Variants in EWSR1 observed in about 807,000 individuals in gnomAD.
EWSR1 encodes RNA-binding protein EWS.
Under a neutral mutation model 92.1 loss-of-function variants are expected in EWSR1, and 14 were observed. The observed-to-expected ratio is 0.15, with a 90% CI of 0.10 to 0.24. The LOEUF (loss-of-function observed/expected upper bound fraction) is 0.24, where lower values mean the gene tolerates loss of function less well. Ranked by LOEUF, EWSR1 falls within the 10% of genes least tolerant of loss-of-function variation. EWSR1 has a pLI of 1.00. For missense variants in EWSR1, 637 were observed against 870.9 expected (o/e 0.73, Z 3.38); for synonymous variants, 303 against 292.9 (o/e 1.03, Z -0.35).
At chr22:29,288,867 TAAG>T (rs1204946789) in intron 8 of EWSR1, 81 bp downstream of exon 8, 3 of 1,298,168 alleles carry the variant, frequency 2.3e-6, no homozygotes, top group Non-Finnish European at 2.1e-6. Context: ...CTGAAAGACA[TAAG>T]AAATTAATTT....
At chr22:29,278,492 G>C (rs961028333) in intron 5 of EWSR1, among the ~76,000 whole-genome samples, 7 of 29,654 alleles carry the variant, frequency 2.4e-4, no homozygotes, top group African/African-American at 1.0e-3. Flanking sequence ...TTTGAAACCA[G>C]CCTGGCCAAC....
intron 5 of EWSR1, among the ~76,000 whole-genome samples, chr22:29,279,839 TATGAAGTCC>T (rs1448161690): frequency 2.6e-5 from 4 of 152,222 alleles, no homozygotes; most frequent in Non-Finnish European, 5.9e-5. Context: ...TCATCAGATG[TATGAAGTCC>T]CATTTGATAC....
At chr22:29,274,124 CTATG>C in intron 4 of EWSR1, 1 of 950,622 alleles carries the variant, frequency 1.1e-6, no homozygotes, top group Non-Finnish European at 1.7e-6. Context: ...GAAATGGAGA[CTATG>C]TAAAAGATTT....
intron 13 of EWSR1, among the ~76,000 whole-genome samples, 200 bp from the exon 14 acceptor site, chr22:29,298,533 A>T (rs1385310183): frequency 1.4e-5 from 2 of 147,834 alleles, no homozygotes. Flanking sequence ...AAATTGTGGG[A>T]GCTCTGTTTC....
intron 16 of EWSR1, 75 bp downstream of exon 16, chr22:29,299,926 A>T (rs2061210660): frequency 6.5e-7 from 1 of 1,539,060 alleles, no homozygotes; most frequent in Admixed American, 2.1e-5. Flanking sequence ...TGGTTGGCGC[A>T]AGTCCTCATG....
At position 29,287,031 on chromosome 22, in the gene EWSR1, C is replaced by T. The variant is rs766826666; in HGVS notation, c.690C>T (p.Ser230=). 4 of 1,613,914 alleles carry T rather than the reference C, an allele frequency of 2.5e-6. No homozygotes were observed. The South Asian group carries it at 3.3e-5, about 13-fold the overall frequency. Residue 230 remains serine, a synonymous_variant, in exon 7 of 17, where the codon AGC becomes AGT. Transcript: ENST00000397938. ...AGCAGAGTAGCTATGGTCAACAAAG[C>T]AGCTATGGGCAGCAGCCTCCCACTA... ...YGQQSSYGQQ[S]SYGQQPPTSY...
intron 1 of EWSR1, among the ~76,000 whole-genome samples, chr22:29,268,617 G>A (rs918956400): frequency 6.6e-6 from 1 of 152,260 alleles, no homozygotes; most frequent in Non-Finnish European, 1.5e-5. Context: ...CCATTGTGTG[G>A]CGGTCCTCGC....
In EWSR1 at chr22:29,286,681, T is replaced by C. The variant is rs560013064; in HGVS notation, c.582-242T>C. Among the ~76,000 whole-genome samples the C allele has an allele frequency of 3.3e-4, 26 of 77,990 alleles. No individual in the cohort carries two copies. The East Asian group carries it at 9.1e-3, about 27-fold the overall frequency. 51.2% of individuals were successfully genotyped at this position (77,990 alleles called of 152,430 possible). A position where few individuals can be genotyped will look rare whatever the true frequency, so the allele number is the denominator to read the frequency against. ...CAGCCTAGGCAACAGAGCAACACTC[T>C]GTCTCAAAAAAAAAAAAAAAAAAAA... On this transcript the variant is annotated intron_variant, in intron 6 of 16. Coordinates refer to ENST00000397938, the MANE Select transcript of EWSR1 (RefSeq NM_005243.4).
At chr22:29,297,757 TTGA>T in intron 12 of EWSR1, 67 bp from the exon 13 acceptor site, 3 of 1,587,768 alleles carry the variant, frequency 1.9e-6, no homozygotes, top group South Asian at 1.1e-5. Flanking sequence ...GAGTGGTCAT[TTGA>T]TGATGATGTG....
chr22:29,280,052 C>G (rs1184884424), intron 5 of EWSR1, among the ~76,000 whole-genome samples: 1 of 152,096 alleles, frequency 6.6e-6, no homozygotes, highest in Non-Finnish European at 1.5e-5. Flanking sequence ...GTTAGTACTT[C>G]ACACCCTCTC....
At chr22:29,295,356 CAT>C (rs1002837057) in intron 11 of EWSR1, among the ~76,000 whole-genome samples, 5 of 152,108 alleles carry the variant, frequency 3.3e-5, no homozygotes, top group African/African-American at 9.7e-5. Flanking sequence ...CAGTGGCTCA[CAT>C]GTGTAATCCC....
Position 29,286,937 on chromosome 22 carries a change from A to C in EWSR1, c.596A>C (p.Gln199Pro). 2 of 1,612,786 alleles carry C rather than the reference A, an allele frequency of 1.2e-6. No individual in the cohort carries two copies. The highest frequency in any genetic ancestry group is 1.7e-6 in the Non-Finnish European group (2 of 1,179,630). Residue 199 changes from glutamine (Q) to proline (P), a missense_variant, in exon 7 of 17, where the codon CAG becomes CCG. This residue lies in a region of EWSR1 where 116 missense variants were observed against 167.8 expected (regional missense o/e 0.69). Coordinates refer to ENST00000397938, the MANE Select transcript of EWSR1 (RefSeq NM_005243.4). Reference protein sequence around the residue: ...SYPPTSYSSTQPTSYDQSSYS... With the variant: ...SYPPTSYSSTPPTSYDQSSYS... ...CTCTCTTTCAGCTATTCCTCTACAC[A>C]GCCGACTAGTTATGATCAGAGCAGT... is the stretch of plus-strand genomic sequence containing the variant.
chr22:29,296,274 C>G lies in EWSR1; in HGVS notation c.1200C>G (p.Ile400Met). ...NKRTGQPMIH[I>M]YLDKETGKPK... Reference sequence around the variant, plus strand: ...GAACTGGGCAACCCATGATCCACATCTACCTGGACAAGGAAACAGGAAAGC... The same window carrying G: ...GAACTGGGCAACCCATGATCCACATGTACCTGGACAAGGAAACAGGAAAGC... The change falls in exon 12 of 17, where the codon ATC becomes ATG. Residue 400 changes from isoleucine (I) to methionine (M), a missense_variant. Ile to Met is a conservative substitution (Grantham distance 10, BLOSUM62 1). Coordinates refer to ENST00000397938, the MANE Select transcript of EWSR1 (RefSeq NM_005243.4). The G allele has an allele frequency of 6.2e-7, 1 of 1,614,182 alleles. No individual in the cohort carries two copies. Among genetic ancestry groups the G allele is most frequent in the South Asian group, 1.1e-5 (1 of 91,082 alleles).
At chr22:29,282,281 C>G in intron 5 of EWSR1, 109 bp from the exon 6 acceptor site, 1 of 804,806 alleles carries the variant, frequency 1.2e-6, no homozygotes, top group Non-Finnish European at 1.9e-6. Context: ...TTAATCATAA[C>G]ATTGCTTATT....
At position 29,273,994 on chromosome 22, in the gene EWSR1, A is replaced by G. The variant is rs1202922193; in HGVS notation, c.226+130A>G. On this transcript the variant is annotated intron_variant, in intron 4 of 16. Coordinates refer to ENST00000397938, the MANE Select transcript of EWSR1 (RefSeq NM_005243.4). ...ATCTGGGGAATCCTTTATTCTTAGG[A>G]AGAGGTATTTTTTCTCTTTCTTCCC... The G allele has an allele frequency of 5.7e-6, 7 of 1,233,662 alleles. No homozygotes were observed. The South Asian group carries it at 9.1e-5, about 16-fold the overall frequency. 76.4% of individuals were successfully genotyped at this position (1,233,662 alleles called of 1,614,324 possible).
rs370033991 is a variant in EWSR1 at position 29,278,107 on chromosome 22, A to G, written c.304A>G (p.Thr102Ala). Residue 102 changes from threonine (T) to alanine (A), a missense_variant, in exon 5 of 17, where the codon ACT becomes GCT. Thr to Ala is a moderately conservative substitution (Grantham distance 58). Around this residue, in one of 5 missense-constraint regions of EWSR1, gnomAD observed 144 missense variants for 189.0 expected, o/e 0.76. Coordinates refer to ENST00000397938, the MANE Select transcript of EWSR1 (RefSeq NM_005243.4). ...TGGCACTGGTGCTTATGATACCACC[A>G]CTGCTACAGTCACCACCACCCAGGC... The part of the protein sequence containing the change: ...GYGTGAYDTT[T>A]ATVTTTQASY... 231 of 1,614,004 alleles carry G rather than the reference A, an allele frequency of 1.4e-4. No homozygotes were observed. The highest frequency in any genetic ancestry group is 1.8e-4 in the Non-Finnish European group (210 of 1,180,012).
chr22:29,270,514 G>A (rs2058586864), intron 1 of EWSR1, among the ~76,000 whole-genome samples: 2 of 152,204 alleles, frequency 1.3e-5, no homozygotes, highest in Admixed American at 6.5e-5. Context: ...GAAGATAAAT[G>A]TAAGTTCATG....
chr22:29,273,334 C>T (rs766276287), intron 3 of EWSR1, among the ~76,000 whole-genome samples: 1 of 152,196 alleles, frequency 6.6e-6, no homozygotes, highest in Non-Finnish European at 1.5e-5. Flanking sequence ...TGTCTTCGTA[C>T]CTTTTGTTTC....
chr22:29,288,997 T>C, intron 8 of EWSR1: 1 of 507,992 alleles, frequency 2.0e-6, no homozygotes, highest in East Asian at 3.4e-5. Flanking sequence ...TATACTTCGT[T>C]GGGTCGGGGA....
Sources: gnomAD v4.1 joint callset for allele counts (sites outside exome capture counted in the v4.1 genomes callset) on GRCh38, gnomAD v4.1.1 for gene constraint, gnomAD v4.1.1 regional missense constraint, MANE v1.5 for transcripts, NCBI Gene and HGNC (gene_info 2026-07-23, HGNC 2026-07-21) for gene names.